The following DCUN1D2 variants were observed in gnomAD, a reference collection of about 807,000 sequenced individuals.
The protein encoded by DCUN1D2 is DCN1-like protein 2.
In DCUN1D2, 29 loss-of-function variants were observed where a neutral mutation model predicts 30.9. That is an observed-to-expected ratio of 0.94 (90% CI 0.70 to 1.28). The LOEUF is 1.28. Ranked by LOEUF, DCUN1D2 falls within the 50% of genes most tolerant of loss-of-function variation. The probability of loss-of-function intolerance (pLI) is 0.00; values close to 1 mark genes in which losing one functional copy is unlikely to be tolerated. For synonymous variants in DCUN1D2, 121 were observed against 115.3 expected, an observed-to-expected ratio of 1.05 and a Z score of -0.32; for missense variants, 325 against 316.9, an observed-to-expected ratio of 1.03 and a Z score of -0.19.
In DCUN1D2 at chr13:113,488,769, C is replaced by T. The variant is rs2044851767; in HGVS notation, c.3+1898G>A. 6.6e-6 allele frequency among the ~76,000 whole-genome samples: 1 copy of T among 152,184 alleles called. No homozygotes were observed. The highest frequency in any genetic ancestry group is 2.1e-4 in the South Asian group (1 of 4,832). On this transcript the variant is annotated intron_variant, in intron 1 of 6. Coordinates refer to ENST00000478244, the MANE Select transcript of DCUN1D2 (RefSeq NM_001014283.2). The surrounding 1 kb of genome is among the most constrained non-coding windows in gnomAD (Gnocchi z 4.3). ...AAGGTGGATACACTGGAACTAGGGC[C>T]GCCCTTCAAGCTCACAACCTTCACT...
chr13:113,458,019 A>T lies in DCUN1D2; in HGVS notation c.*10T>A. On this transcript the variant is annotated 3_prime_UTR_variant, in exon 7 of 7. Transcript: ENST00000478244. ...TCATTTCATAATCTTACTCCTGCTT[A>T]ACTTGCTGCCTAGAAAAGGCTGCGT... The T allele has an allele frequency of 6.2e-7, 1 of 1,611,734 alleles. No homozygotes were observed. The highest frequency in any genetic ancestry group is 1.3e-5 in the African/African-American group (1 of 74,988).
intron 3 of DCUN1D2, among the ~76,000 whole-genome samples, chr13:113,480,169 TAGAAA>T: frequency 6.6e-6 from 1 of 152,198 alleles, no homozygotes; most frequent in Admixed American, 6.5e-5. Context: ...GTAGGTAGAA[TAGAAA>T]AATGTTACAA....
chr13:113,481,827 T>C (rs1363401111), intron 2 of DCUN1D2, among the ~76,000 whole-genome samples: 1 of 142,880 alleles, frequency 7.0e-6, no homozygotes, highest in Admixed American at 7.4e-5. Context: ...GAGGTTGCAG[T>C]GAGCCAAGAT....
Position 113,490,619 on chromosome 13 carries a change from G to A in DCUN1D2, c.3+48C>T, listed in dbSNP as rs1489646813. 7 of 1,211,962 alleles carry A rather than the reference G, an allele frequency of 5.8e-6. No homozygotes were observed. The highest frequency in any genetic ancestry group is 7.2e-6 in the Non-Finnish European group (7 of 974,240). The allele number at this position is 1,211,962 out of a possible 1,614,324, so 75.1% of individuals were successfully genotyped here. ...GCCGCCTGCGCCGACCTTGGGGCCC[G>A]ACCCCGACCCCGACCCCGACGGGCA... On this transcript the variant is annotated intron_variant, in intron 1 of 6. Coordinates refer to ENST00000478244, the MANE Select transcript of DCUN1D2 (RefSeq NM_001014283.2). The surrounding 1 kb of genome is among the most constrained non-coding windows in gnomAD (Gnocchi z 5.2).
At chr13:113,489,801 T>C (rs1010046329) in intron 1 of DCUN1D2, among the ~76,000 whole-genome samples, 2 of 152,016 alleles carry the variant, frequency 1.3e-5, no homozygotes, top group African/African-American at 4.8e-5. Context: ...TTCTCCACAG[T>C]TCAACTCACA....
At chr13:113,462,061 T>C (rs1429939342) in intron 4 of DCUN1D2, among the ~76,000 whole-genome samples, 2 of 152,008 alleles carry the variant, frequency 1.3e-5, no homozygotes, top group African/African-American at 4.8e-5. Context: ...GAGACCAGCC[T>C]GACCAACATG....
chr13:113,490,159 G>C lies in DCUN1D2; in HGVS notation c.3+508C>G, dbSNP rs1354370529. The stretch of plus-strand genomic sequence containing the variant: ...ACAGCCACGCTACAGCTCCCGGCTA[G>C]AGCCCGCGCTAGGGCCCCGCTGTGC... On this transcript the variant is annotated intron_variant, in intron 1 of 6. Coordinates refer to ENST00000478244, the MANE Select transcript of DCUN1D2 (RefSeq NM_001014283.2). The surrounding 1 kb of genome is among the most constrained non-coding windows in gnomAD (Gnocchi z 5.2). Among the ~76,000 whole-genome samples, 1 of 152,222 alleles carries C rather than the reference G, an allele frequency of 6.6e-6. No homozygotes were observed. Among genetic ancestry groups the C allele is most frequent in the Non-Finnish European group, 1.5e-5 (1 of 68,028 alleles).
At chr13:113,474,886 G>A (rs755234108) in intron 3 of DCUN1D2, among the ~76,000 whole-genome samples, 20 of 152,188 alleles carry the variant, frequency 1.3e-4, no homozygotes, top group Non-Finnish European at 2.8e-4. Flanking sequence ...ATTACAGCAA[G>A]TTAGATTTAA....
At chr13:113,480,347 A>C in intron 3 of DCUN1D2, 1 of 390,856 alleles carries the variant, frequency 2.6e-6, no homozygotes. Context: ...GAGTTACAAA[A>C]GGGATTAATA....
intron 1 of DCUN1D2, among the ~76,000 whole-genome samples, chr13:113,487,452 G>A (rs2044825687): frequency 6.6e-6 from 1 of 152,176 alleles, no homozygotes. Flanking sequence ...AAGAAACCAG[G>A]CACAAGAAGC....
chr13:113,472,112 G>C (rs1036583704), intron 4 of DCUN1D2, among the ~76,000 whole-genome samples: 1 of 151,780 alleles, frequency 6.6e-6, no homozygotes, highest in African/African-American at 2.4e-5. Flanking sequence ...CTGAGCCCGT[G>C]GTGTGTGCCG....
chr13:113,486,876 G>T (rs569772254), intron 1 of DCUN1D2, among the ~76,000 whole-genome samples: 1 of 152,272 alleles, frequency 6.6e-6, no homozygotes, highest in South Asian at 2.1e-4. Flanking sequence ...GCCATCTCAG[G>T]CCTGTGGGTC....
chr13:113,466,003 A>G (rs566637586), intron 4 of DCUN1D2, among the ~76,000 whole-genome samples: 99 of 152,308 alleles, frequency 6.5e-4, no homozygotes, highest in African/African-American at 2.3e-3. Context: ...CTTGTGCCTC[A>G]GCCTCCTGAG....
At position 113,483,911 on chromosome 13, in the gene DCUN1D2, G is replaced by C; in HGVS notation, c.149C>G (p.Ser50Trp). Residue 50 changes from serine (S) to tryptophan (W), a missense_variant, in exon 2 of 7, where the codon TCG becomes TGG. Transcript: ENST00000478244. ...GTTCCGCATGGACTCCCTGTGGAGC[G>C]AGTCTGGGTTTTGGAAGAAGCTGTC... The part of the protein sequence containing the change: ...ATDSFFQNPD[S>W]LHRESMRNAV... 1.9e-6 allele frequency: 3 copies of C among 1,613,980 alleles called. No homozygotes were observed. The highest frequency in any genetic ancestry group is 1.7e-6 in the Non-Finnish European group (2 of 1,180,056).
rs1397778326 is a variant in DCUN1D2, at chr13:113,458,195, A to T, written c.701-87T>A. ...AGTCACACATCAATCCAACATTTAC[A>T]CTTCAAGAACCCAAATGACTTGAGG... On this transcript the variant is annotated intron_variant, in intron 6 of 6. Transcript: ENST00000478244. The T allele has an allele frequency of 4.5e-6, 5 of 1,114,320 alleles. No individual in the cohort carries two copies. The Admixed American group carries it at 8.8e-5, about 20-fold the overall frequency. The allele number at this position is 1,114,320 out of a possible 1,614,324, so 69.0% of individuals were successfully genotyped here.
chr13:113,490,650 G>C lies in DCUN1D2; in HGVS notation c.3+17C>G. 1.6e-6 allele frequency: 2 copies of C among 1,243,794 alleles called. No individual in the cohort carries two copies. Among genetic ancestry groups the C allele is most frequent in the Non-Finnish European group, 2.0e-6 (2 of 993,946 alleles). 77.0% of individuals were successfully genotyped at this position (1,243,794 alleles called of 1,614,324 possible). ...GACCCCGACCCCGACGGGCAGAGGC[G>C]ACGCCGGGCCACCTACCATCTCCCC... On this transcript the variant is annotated intron_variant, in intron 1 of 6. Coordinates refer to ENST00000478244, the MANE Select transcript of DCUN1D2 (RefSeq NM_001014283.2). The surrounding 1 kb of genome is among the most constrained non-coding windows in gnomAD (Gnocchi z 5.2).
At chr13:113,476,277 A>C (rs141703751) in intron 3 of DCUN1D2, 2 of 152,266 alleles carry the variant, frequency 1.3e-5, no homozygotes, top group East Asian at 1.9e-4. Context: ...CCTTCCATTT[A>C]GTAACTGATG....
intron 2 of DCUN1D2, among the ~76,000 whole-genome samples, chr13:113,483,606 C>T (rs1427803164): frequency 6.6e-6 from 1 of 152,242 alleles, no homozygotes; most frequent in Non-Finnish European, 1.5e-5. Flanking sequence ...GGGCCTGGCC[C>T]TGCCCCATCG....
intron 4 of DCUN1D2, among the ~76,000 whole-genome samples, chr13:113,464,577 T>C (rs1471754705): frequency 6.6e-6 from 1 of 152,232 alleles, no homozygotes; most frequent in Non-Finnish European, 1.5e-5. Context: ...GAAGGGACGC[T>C]GCGCGTTTCC....
Sources: gnomAD v4.1 joint callset for allele counts (sites outside exome capture counted in the v4.1 genomes callset) on GRCh38, gnomAD v4.1.1 for gene constraint, Gnocchi (gnomAD v3.1) non-coding constraint, MANE v1.5 for transcripts, NCBI Gene and HGNC (gene_info 2026-07-23, HGNC 2026-07-21) for gene names.